PCDH15: variants seen among roughly 807,000 people sequenced by gnomAD.
PCDH15 encodes protocadherin-15.
In PCDH15, 129 loss-of-function variants were observed where a neutral mutation model predicts 178.5. The ratio of observed to expected loss-of-function variants is 0.72; its 90% CI spans 0.63 to 0.84. The LOEUF is 0.84. Among genes scored for constraint, PCDH15 ranks in the 40% least tolerant of loss-of-function variants. The pLI is 0.00. For missense variants in PCDH15, 2,230 were observed against 2,099.9 expected, an observed-to-expected ratio of 1.06 and a Z score of -1.21; for synonymous variants, 800 against 732.0, an observed-to-expected ratio of 1.09 and a Z score of -1.50.
intron 25 of PCDH15, among the ~76,000 whole-genome samples, chr10:53,925,635 G>A (rs1589450218): frequency 6.6e-6 from 1 of 152,214 alleles, no homozygotes; most frequent in South Asian, 2.1e-4. Flanking sequence ...GCCTCGACAG[G>A]GAATCTCCTA....
chr10:53,918,328 A>G (rs897583926), intron 25 of PCDH15, among the ~76,000 whole-genome samples: 5 of 152,312 alleles, frequency 3.3e-5, no homozygotes, highest in South Asian at 2.1e-4. Flanking sequence ...CTAGTCAACT[A>G]TTATACAGAA....
intron 1 of PCDH15, among the ~76,000 whole-genome samples, chr10:54,734,301 T>C (rs183276239): frequency 1.3e-5 from 2 of 151,898 alleles, no homozygotes; most frequent in East Asian, 3.9e-4. Flanking sequence ...ACTAAGCAAA[T>C]GAGAAGATGC....
chr10:54,693,535 C>T (rs2095167250), intron 1 of PCDH15, among the ~76,000 whole-genome samples: 1 of 152,098 alleles, frequency 6.6e-6, no homozygotes, highest in East Asian at 1.9e-4. Context: ...GAAGCAGAAA[C>T]TTTAGAGTCA....
At chr10:54,237,349 C>T (rs1251613805) in intron 8 of PCDH15, among the ~76,000 whole-genome samples, 1 of 151,846 alleles carries the variant, frequency 6.6e-6, no homozygotes, top group Admixed American at 6.6e-5. Flanking sequence ...TAGTTTCATA[C>T]ACATCAATTA....
chr10:54,261,909 A>C (rs955150059), intron 8 of PCDH15, among the ~76,000 whole-genome samples: 1 of 152,298 alleles, frequency 6.6e-6, no homozygotes. Flanking sequence ...GAAAACACTG[A>C]AAGTTGATAC....
chr10:55,358,562 T>A (rs1845136736), intron 2 of PCDH15, among the ~76,000 whole-genome samples: 1 of 152,138 alleles, frequency 6.6e-6, no homozygotes, highest in African/African-American at 2.4e-5. Flanking sequence ...AGTGTAGTTG[T>A]TGTAATAATA....
intron 2 of PCDH15, among the ~76,000 whole-genome samples, chr10:54,915,600 G>A (rs1300788600): frequency 6.6e-6 from 1 of 152,060 alleles, no homozygotes; most frequent in Non-Finnish European, 1.5e-5. Context: ...CAGTAGCTAG[G>A]GTTTACATAA....
intron 2 of PCDH15, among the ~76,000 whole-genome samples, chr10:55,115,802 C>A (rs1195470276): frequency 1.3e-5 from 2 of 152,138 alleles, no homozygotes; most frequent in Non-Finnish European, 2.9e-5. Flanking sequence ...TTAGTTTTAT[C>A]ACATTGTTAA....
chr10:53,955,649 A>G (rs2087540234), intron 23 of PCDH15, among the ~76,000 whole-genome samples: 1 of 152,126 alleles, frequency 6.6e-6, no homozygotes. Context: ...ACCTTCCCCT[A>G]CACCCTACAA....
chr10:54,820,602 C>T (rs1236759434), intron 3 of PCDH15, among the ~76,000 whole-genome samples: 2 of 152,094 alleles, frequency 1.3e-5, no homozygotes, highest in African/African-American at 4.8e-5. Context: ...CTATCATTTA[C>T]GTTAAATGTT....
At chr10:54,469,955 T>G (rs1478724702) in intron 3 of PCDH15, among the ~76,000 whole-genome samples, 1 of 152,126 alleles carries the variant, frequency 6.6e-6, no homozygotes, top group African/African-American at 2.4e-5. Context: ...CTGGAAATAG[T>G]GCTCAGCTGC....
chr10:55,408,394 C>T (rs573056288), intron 2 of PCDH15, among the ~76,000 whole-genome samples: 3 of 152,002 alleles, frequency 2.0e-5, no homozygotes, highest in Non-Finnish European at 2.9e-5. Flanking sequence ...CCATATTGTC[C>T]AGGCTGGTCT....
intron 9 of PCDH15, among the ~76,000 whole-genome samples, chr10:54,221,531 C>A (rs1342605113): frequency 6.6e-6 from 1 of 152,060 alleles, no homozygotes; most frequent in Non-Finnish European, 1.5e-5. Context: ...ATTTCTCACC[C>A]TATGCAAACA....
intron 3 of PCDH15, among the ~76,000 whole-genome samples, chr10:54,853,314 T>TATACACATATACAC (rs1554806792): frequency 1.5e-5 from 2 of 129,110 alleles, no homozygotes; most frequent in African/African-American, 3.0e-5. Context: ...TATATATATA[T>TATACACATATACAC]ATATACATAC....
At chr10:54,045,485 T>C (rs919090470) in intron 18 of PCDH15, among the ~76,000 whole-genome samples, 1 of 152,072 alleles carries the variant, frequency 6.6e-6, no homozygotes, top group Non-Finnish European at 1.5e-5. Context: ...CTGCTAGGTA[T>C]CAAGACTGTA....
intron 2 of PCDH15, among the ~76,000 whole-genome samples, chr10:55,605,160 T>C (rs1843185105): frequency 6.6e-6 from 1 of 151,388 alleles, no homozygotes; most frequent in Non-Finnish European, 1.5e-5. Flanking sequence ...AATGGATAAA[T>C]TCCTCGACAC....
chr10:54,102,374 C>T (rs2094829038), intron 15 of PCDH15, among the ~76,000 whole-genome samples: 1 of 152,188 alleles, frequency 6.6e-6, no homozygotes, highest in Admixed American at 6.5e-5. Context: ...AAGTCAATGG[C>T]TGTATATCAG....
intron 20 of PCDH15, among the ~76,000 whole-genome samples, chr10:54,000,218 A>G (rs1351847869): frequency 6.6e-6 from 1 of 152,148 alleles, no homozygotes; most frequent in Non-Finnish European, 1.5e-5. Flanking sequence ...AACAAATACG[A>G]AGAAGTCCAG....
At chr10:54,263,581 A>G (rs143420878) in intron 8 of PCDH15, among the ~76,000 whole-genome samples, 3 of 152,306 alleles carry the variant, frequency 2.0e-5, no homozygotes, top group African/African-American at 7.2e-5. Context: ...ACATAAAAAT[A>G]CATTGCTAAA....
Sources: allele counts gnomAD v4.1 joint callset (sites outside exome capture counted in the v4.1 genomes callset), GRCh38; gene constraint gnomAD v4.1.1; transcripts MANE v1.5; gene names NCBI Gene and HGNC (gene_info 2026-07-23, HGNC 2026-07-21).